The following STK31 variants were observed in gnomAD, a reference collection of about 807,000 sequenced individuals.
The protein encoded by STK31 is serine/threonine-protein kinase 31.
Under a neutral mutation model 129.7 loss-of-function variants are expected in STK31, and 89 were observed. The ratio of observed to expected loss-of-function variants is 0.69; its 90% CI spans 0.58 to 0.82. The LOEUF (loss-of-function observed/expected upper bound fraction) is 0.82. Ranked by LOEUF, STK31 falls within the 40% of genes least tolerant of loss-of-function variation. The probability of loss-of-function intolerance (pLI) is 0.00; values close to 1 mark genes in which losing one functional copy is unlikely to be tolerated. For synonymous variants in STK31, 448 were observed against 395.3 expected (o/e 1.13, Z -1.58); for missense variants, 1,187 against 1,176.4 (o/e 1.01, Z -0.13).
intron 8 of STK31, among the ~76,000 whole-genome samples, chr7:23,739,919 GT>G (rs979028861): frequency 2.0e-5 from 3 of 152,000 alleles, no homozygotes; most frequent in Non-Finnish European, 4.4e-5. Flanking sequence ...ATGTCTCCAG[GT>G]TTGTTCATTT....
rs752061636 is a variant in STK31, at chr7:23,710,326, A to T, written c.41A>T (p.Glu14Val). Residue 14 changes from glutamate (E) to valine (V), a missense_variant, in exon 1 of 24, where the codon GAA becomes GTA. Glu to Val is a moderately radical substitution (Grantham distance 121). Transcript: ENST00000355870. The part of the protein sequence containing the change: ...QGHSSRASAT[E>V]SVSFSGIVQM... ...CACTCTTCTAGAGCTTCCGCAACGG[A>T]AAGTGTGAGGTCAGTAGTAGTTTTT... The T allele has an allele frequency of 2.5e-6, 4 of 1,613,370 alleles. No individual in the cohort carries two copies. The highest frequency in any genetic ancestry group is 2.2e-5 in the East Asian group (1 of 44,868).
intron 10 of STK31, among the ~76,000 whole-genome samples, chr7:23,760,531 G>A (rs776790439): frequency 1.8e-4 from 27 of 152,220 alleles, no homozygotes; most frequent in Middle Eastern, 3.4e-3. Context: ...CAGGCAGTGT[G>A]TTTATAAACA....
At chr7:23,780,113 T>A (rs1167022027) in intron 15 of STK31, among the ~76,000 whole-genome samples, 1 of 152,134 alleles carries the variant, frequency 6.6e-6, no homozygotes, top group Non-Finnish European at 1.5e-5. Context: ...CCCTTGCACT[T>A]CCTGGGTGAG....
chr7:23,798,155 G>A (rs1054644438), intron 22 of STK31, among the ~76,000 whole-genome samples: 4 of 152,112 alleles, frequency 2.6e-5, no homozygotes, highest in African/African-American at 4.8e-5. Flanking sequence ...ATACACAGTC[G>A]AATTCCACCA....
intron 23 of STK31, 106 bp downstream of exon 23, chr7:23,815,318 C>A: frequency 1.3e-6 from 1 of 786,726 alleles, no homozygotes; most frequent in South Asian, 2.5e-5. Context: ...TCCAAATTAA[C>A]ATTTGCAATA....
At chr7:23,799,351 C>T (rs1792219948) in intron 22 of STK31, among the ~76,000 whole-genome samples, 1 of 152,250 alleles carries the variant, frequency 6.6e-6, no homozygotes, top group South Asian at 2.1e-4. Context: ...TAGTACAAGG[C>T]TACAGTAACC....
intron 23 of STK31, among the ~76,000 whole-genome samples, chr7:23,828,545 G>C (rs1283996765): frequency 6.6e-6 from 1 of 152,240 alleles, no homozygotes; most frequent in African/African-American, 2.4e-5. Context: ...CGCTTCCCGG[G>C]TGAGGCGATG....
At position 23,785,549 on chromosome 7, in the gene STK31, C is replaced by T. The variant is rs1163109323; in HGVS notation, c.2220C>T (p.Ser740=). 13 of 1,613,840 alleles carry T rather than the reference C, an allele frequency of 8.1e-6. No individual in the cohort carries two copies. The Admixed American group carries it at 1.3e-4, about 17-fold the overall frequency. Residue 740 remains serine (S), a synonymous_variant, in exon 18 of 24, where the codon AGC becomes AGT. Transcript: ENST00000355870. ...ATGCTGAGCCCATGAAGGAACTTAG[C>T]AGCAAGCGTCCTTTGGTACGTTCTG... ...LLDAEPMKEL[S]SKRPLVRSEV... is the part of the protein sequence containing the mutation.
chr7:23,768,862 C>G (rs1379273022), intron 11 of STK31, 133 bp from the exon 12 acceptor site: 3 of 735,594 alleles, frequency 4.1e-6, no homozygotes, highest in Non-Finnish European at 6.0e-6. Flanking sequence ...TCTGATGATT[C>G]TAAGTTGTAT....
chr7:23,791,981 A>G (rs1196706104), intron 22 of STK31, among the ~76,000 whole-genome samples: 2 of 152,172 alleles, frequency 1.3e-5, no homozygotes, highest in Non-Finnish European at 2.9e-5. Flanking sequence ...TTTGAATTTC[A>G]TGTAGTATGC....
At chr7:23,814,934 A>C (rs1236919507) in intron 22 of STK31, among the ~76,000 whole-genome samples, 2 of 152,284 alleles carry the variant, frequency 1.3e-5, no homozygotes, top group Non-Finnish European at 1.5e-5. Flanking sequence ...TAGTGTGTAC[A>C]TCCCCTCTGA....
At chr7:23,732,012 TA>T (rs1180396662) in intron 6 of STK31, among the ~76,000 whole-genome samples, 1 of 152,218 alleles carries the variant, frequency 6.6e-6, no homozygotes, top group Admixed American at 6.5e-5. Context: ...AGATTTATTT[TA>T]AAAAGTTAAG....
chr7:23,814,678 T>TA (rs1345059438), intron 22 of STK31, among the ~76,000 whole-genome samples: 3 of 152,144 alleles, frequency 2.0e-5, no homozygotes, highest in Non-Finnish European at 2.9e-5. Context: ...TTTGTGTATG[T>TA]AAAAAATTCT....
chr7:23,756,039 A>C (rs1312016943), intron 10 of STK31, among the ~76,000 whole-genome samples: 4 of 152,182 alleles, frequency 2.6e-5, no homozygotes, highest in African/African-American at 9.7e-5. Flanking sequence ...GAAGAATGTC[A>C]ATGGTAGCTT....
chr7:23,823,693 A>G (rs1431314736), intron 23 of STK31, among the ~76,000 whole-genome samples: 6 of 152,310 alleles, frequency 3.9e-5, no homozygotes, highest in East Asian at 1.9e-4. Flanking sequence ...CCTGAATGGT[A>G]TTGCCTAGTT....
At position 23,710,248 on chromosome 7, in the gene STK31, C is replaced by A. The variant is rs201498980; in HGVS notation, c.-38C>A. On this transcript the variant is annotated 5_prime_UTR_variant, in exon 1 of 24. Transcript: ENST00000355870. Reference sequence around the variant, plus strand: ...TCGAAGCTCACGCGGTAAGCCGCTGCACGTGTGCTACGGCGGGCGGAGGGC... The same window carrying A: ...TCGAAGCTCACGCGGTAAGCCGCTGAACGTGTGCTACGGCGGGCGGAGGGC... 1.9e-6 allele frequency: 3 copies of A among 1,612,400 alleles called. No homozygotes were observed. Among genetic ancestry groups the A allele is most frequent in the Non-Finnish European group, 1.7e-6 (2 of 1,179,870 alleles).
chr7:23,741,590 C>G (rs1788059799), intron 8 of STK31, among the ~76,000 whole-genome samples: 1 of 152,154 alleles, frequency 6.6e-6, no homozygotes, highest in African/African-American at 2.4e-5. Context: ...CAAAGAGACT[C>G]CTTTGTTCCA....
In STK31 at chr7:23,712,080, A is replaced by G; in HGVS notation, c.51-19A>G. 7 of 1,578,272 alleles carry G rather than the reference A, an allele frequency of 4.4e-6. No individual in the cohort carries two copies. The highest frequency in any genetic ancestry group is 6.1e-6 in the Non-Finnish European group (7 of 1,149,010). On this transcript the variant is annotated intron_variant, in intron 1 of 23. Transcript: ENST00000355870. The stretch of plus-strand genomic sequence containing the variant: ...ATTAATGGTGGATTATTGTAATCTA[A>G]TTTAAGGTATTGTTCTAGTTTTTCA...
chr7:23,784,162 G>A (rs1175781004), intron 17 of STK31, among the ~76,000 whole-genome samples: 1 of 152,028 alleles, frequency 6.6e-6, no homozygotes, highest in Admixed American at 6.6e-5. Flanking sequence ...GGGGCCATAG[G>A]GAGCAGGATT....
Sources: allele counts gnomAD v4.1 joint callset (sites outside exome capture counted in the v4.1 genomes callset), GRCh38; gene constraint gnomAD v4.1.1; transcripts MANE v1.5; gene names NCBI Gene and HGNC (gene_info 2026-07-23, HGNC 2026-07-21).